The following GPX2 variants were observed in gnomAD, a reference collection of about 807,000 sequenced individuals.
The protein encoded by GPX2 is glutathione peroxidase 2.
GPX2 carries 21 observed loss-of-function variants against 14.1 expected under a neutral mutation model. The observed-to-expected ratio is 1.48, with a 90% CI of 1.05 to 2.14. GPX2 has a LOEUF of 2.14. Among genes scored for constraint, GPX2 ranks in the 30% most tolerant of loss-of-function variants. The pLI is 0.00. For missense variants in GPX2, 241 were observed against 249.8 expected, an observed-to-expected ratio of 0.96 and a Z score of 0.24; for synonymous variants, 94 against 95.2, an observed-to-expected ratio of 0.99 and a Z score of 0.07.
At chr14:64,941,612 T>C in intron 1 of GPX2, 1 of 1,119,804 alleles carries the variant, frequency 8.9e-7, no homozygotes, top group Non-Finnish European at 1.2e-6. Context: ...CCAGTGATGC[T>C]TCAGCCTTCC....
At chr14:64,941,298 G>T (rs760237833) in intron 1 of GPX2, 1 of 1,064,158 alleles carries the variant, frequency 9.4e-7, no homozygotes, top group Non-Finnish European at 1.2e-6. Context: ...GAACTCCTGA[G>T]CTCAAGCAAT....
At position 64,940,094 on chromosome 14, in the gene GPX2, T is replaced by G; in HGVS notation, c.223-256A>C. On this transcript the variant is annotated intron_variant, in intron 1 of 1. Coordinates refer to ENST00000389614, the MANE Select transcript of GPX2 (RefSeq NM_002083.4). This position sits in a 1 kb window ranked among gnomAD's most constrained non-coding sequence, Gnocchi z 4.5. ...ACCATGCCCGGCTAATTTTTTTTTTTTTTTGTAGAGATGGGGTCTCACTTT... is the reference window on the plus strand; with the variant it reads ...ACCATGCCCGGCTAATTTTTTTTTTGTTTTGTAGAGATGGGGTCTCACTTT... 2 of 1,427,930 alleles carry G rather than the reference T, an allele frequency of 1.4e-6. No individual in the cohort carries two copies. 88.5% of individuals were successfully genotyped at this position (1,427,930 alleles called of 1,614,324 possible).
chr14:64,942,577 G>C lies in GPX2; in HGVS notation c.150C>G (p.Leu50=). 2.5e-6 allele frequency: 4 copies of C among 1,614,224 alleles called. No individual in the cohort carries two copies. The highest frequency in any genetic ancestry group is 3.4e-6 in the Non-Finnish European group (4 of 1,180,044). The change falls in exon 1 of 2, where the codon CTC becomes CTG. Residue 50 remains leucine, a synonymous_variant. Coordinates refer to ENST00000389614, the MANE Select transcript of GPX2 (RefSeq NM_002083.4). ...UGTTTRDFTQ[L]NELQCRFPRR... ...TGGGAAAGCGGCATTGCAGCTCGTTGAGCTGGGTGAAGTCCCGGGTGGTTG... is the reference window on the plus strand; with the variant it reads ...TGGGAAAGCGGCATTGCAGCTCGTTCAGCTGGGTGAAGTCCCGGGTGGTTG...
In GPX2 at chr14:64,939,563, G is replaced by A. The variant is rs1180256776; in HGVS notation, c.498C>T (p.Phe166=). ...TTGGGAAGGTGCGGCTGTAGCGTCG[G>A]AAGGGCTCTCCCTCCGGCCCTATGA... The part of the protein sequence containing the change: ...KFLIGPEGEP[F]RRYSRTFPTI... Residue 166 remains phenylalanine (F), a synonymous_variant, in exon 2 of 2, where the codon TTC becomes TTT. Coordinates refer to ENST00000389614, the MANE Select transcript of GPX2 (RefSeq NM_002083.4). This position sits in a 1 kb window ranked among gnomAD's most constrained non-coding sequence, Gnocchi z 5.7. The A allele has an allele frequency of 6.2e-6, 10 of 1,614,166 alleles. No homozygotes were observed. Among genetic ancestry groups the A allele is most frequent in the Non-Finnish European group, 7.6e-6 (9 of 1,180,026 alleles).
rs956060743 is a variant in GPX2, at chr14:64,940,126, C to A, written c.223-288G>T. The A allele has an allele frequency of 1.4e-6, 2 of 1,391,988 alleles. No individual in the cohort carries two copies. The highest frequency in any genetic ancestry group is 1.9e-6 in the Non-Finnish European group (2 of 1,055,870). The allele number at this position is 1,391,988 out of a possible 1,614,324, so 86.2% of individuals were successfully genotyped here. On this transcript the variant is annotated intron_variant, in intron 1 of 1. Transcript: ENST00000389614. This position sits in a 1 kb window ranked among gnomAD's most constrained non-coding sequence, Gnocchi z 4.5. Reference sequence around the variant, plus strand: ...AGAGATGGGGTCTCACTTTGTTGCCCATGCTTTGGCTGCTCTTCAAGATTT... The same window carrying A: ...AGAGATGGGGTCTCACTTTGTTGCCAATGCTTTGGCTGCTCTTCAAGATTT...
Position 64,940,737 on chromosome 14 carries a change from C to A in GPX2, c.223-899G>T, listed in dbSNP as rs1259809121. Among the ~76,000 whole-genome samples the A allele has an allele frequency of 1.3e-5, 2 of 152,158 alleles. No individual in the cohort carries two copies. Among genetic ancestry groups the A allele is most frequent in the Non-Finnish European group, 2.9e-5 (2 of 68,016 alleles). ...GTGAGTATGTAATTATCATTCTTTT[C>A]TTGAGTAGGCTGCTACCCAAAGACT... On this transcript the variant is annotated intron_variant, in intron 1 of 1. Transcript: ENST00000389614. The surrounding 1 kb of genome is among the most constrained non-coding windows in gnomAD (Gnocchi z 4.5).
chr14:64,942,494 G>GGACC lies in GPX2; in HGVS notation c.222+7_222+10dup. The GGACC allele has an allele frequency of 4.3e-6, 7 of 1,610,244 alleles. No individual in the cohort carries two copies. The highest frequency in any genetic ancestry group is 4.2e-6 in the Non-Finnish European group (5 of 1,176,902). On this transcript the variant is annotated intron_variant, in intron 1 of 1. Coordinates refer to ENST00000389614, the MANE Select transcript of GPX2 (RefSeq NM_002083.4). ...AACACTTTTGGTGCATTACAAGGAG[G>GGACC]GACCCCTCACCTGATGTCCAAATTG...
intron 1 of GPX2, chr14:64,941,612 T>A: frequency 8.9e-7 from 1 of 1,119,804 alleles, no homozygotes; most frequent in Non-Finnish European, 1.2e-6. Context: ...CCAGTGATGC[T>A]TCAGCCTTCC....
At position 64,942,503 on chromosome 14, in the gene GPX2, A is replaced by G; in HGVS notation, c.222+2T>C. ...GGTGCATTACAAGGAGGGACCCCTC[A>G]CCTGATGTCCAAATTGGTTGCAAGG... is the stretch of plus-strand genomic sequence containing the variant. On this transcript the variant is annotated splice_donor_variant, in intron 1 of 1. Coordinates refer to ENST00000389614, the MANE Select transcript of GPX2 (RefSeq NM_002083.4). LOFTEE classifies it high-confidence loss of function. The G allele has an allele frequency of 6.2e-7, 1 of 1,613,382 alleles. No individual in the cohort carries two copies. The highest frequency in any genetic ancestry group is 8.5e-7 in the Non-Finnish European group (1 of 1,179,468).
intron 1 of GPX2, among the ~76,000 whole-genome samples, chr14:64,942,192 A>G (rs1193695118): frequency 6.6e-6 from 1 of 152,232 alleles, no homozygotes; most frequent in Non-Finnish European, 1.5e-5. Flanking sequence ...TTTATTCAAC[A>G]AATATTTAAT....
In GPX2 at chr14:64,940,429, C is replaced by T. The variant is rs1885569802; in HGVS notation, c.223-591G>A. Among the ~76,000 whole-genome samples the T allele has an allele frequency of 6.6e-6, 1 of 152,100 alleles. No individual in the cohort carries two copies. The highest frequency in any genetic ancestry group is 1.5e-5 in the Non-Finnish European group (1 of 68,034). ...CTTGAACTGAGGGTGAAATTGAGAC[C>T]CAGAGGAATGGGATTTACAGCTTCT... On this transcript the variant is annotated intron_variant, in intron 1 of 1. Transcript: ENST00000389614. This position sits in a 1 kb window ranked among gnomAD's most constrained non-coding sequence, Gnocchi z 4.5.
At position 64,939,748 on chromosome 14, in the gene GPX2, A is replaced by G. The variant is rs780424698; in HGVS notation, c.313T>C (p.Cys105Arg). 4.3e-6 allele frequency: 7 copies of G among 1,614,000 alleles called. No homozygotes were observed. Among genetic ancestry groups the G allele is most frequent in the African/African-American group, 1.3e-5 (1 of 74,954 alleles). Residue 105 changes from cysteine (C) to arginine (R), a missense_variant, in exon 2 of 2, where the codon TGT becomes CGT. Cys to Arg is a radical substitution (Grantham distance 180). Transcript: ENST00000389614. This position sits in a 1 kb window ranked among gnomAD's most constrained non-coding sequence, Gnocchi z 5.7. Reference protein sequence around the residue: ...YQPTFTLVQKCEVNGQNEHPV... With the variant: ...YQPTFTLVQKREVNGQNEHPV... ...TGCTCGTTCTGCCCATTCACCTCAC[A>G]TTTTTGGACAAGGGTGAAGGTGGGC... is the stretch of plus-strand genomic sequence containing the variant.
chr14:64,941,338 G>T, intron 1 of GPX2: 6 of 1,236,132 alleles, frequency 4.9e-6, no homozygotes, highest in Non-Finnish European at 6.2e-6. Context: ...AAAGCGCTGG[G>T]ATTATAGGTG....
rs755670449 is a variant in GPX2 at position 64,939,622 on chromosome 14, G to A, written c.439C>T (p.Arg147Cys). The A allele has an allele frequency of 5.5e-5, 88 of 1,614,032 alleles. No individual in the cohort carries two copies. The Admixed American group carries it at 8.2e-4, about 15-fold the overall frequency. Residue 147 changes from arginine to cysteine, a missense_variant, in exon 2 of 2, where the codon CGC (arginine) becomes TGC (cysteine). Transcript: ENST00000389614. The surrounding 1 kb of genome is among the most constrained non-coding windows in gnomAD (Gnocchi z 5.7). ...PKLIIWSPVR[R>C]SDVAWNFEKF... is the part of the protein sequence containing the mutation. ...TCAAAGTTCCAGGCCACATCTGAGCGGCGCACAGGGCTCCAAATGATGAGC... is the reference window on the plus strand; with the variant it reads ...TCAAAGTTCCAGGCCACATCTGAGCAGCGCACAGGGCTCCAAATGATGAGC...
chr14:64,942,741 T>G lies in GPX2; in HGVS notation c.-15A>C. 1.2e-6 allele frequency: 2 copies of G among 1,603,728 alleles called. No individual in the cohort carries two copies. Among genetic ancestry groups the G allele is most frequent in the East Asian group, 2.2e-5 (1 of 44,808 alleles). ...ATGAAAGCCATGGTGAAGCGCAGAG[T>G]GAGCCCCGCAGAGAGGCCTGAGCCC... On this transcript the variant is annotated 5_prime_UTR_variant, in exon 1 of 2. Transcript: ENST00000389614.
chr14:64,942,594 G>A lies in GPX2; in HGVS notation c.133C>T (p.Arg45Trp), dbSNP rs770359682. Residue 45 changes from arginine (R) to tryptophan (W), a missense_variant, in exon 1 of 2, where the codon CGG becomes TGG. Transcript: ENST00000389614. ...NVASLUGTTTRDFTQLNELQC... is the reference protein window; with the variant it reads ...NVASLUGTTTWDFTQLNELQC... ...AGCTCGTTGAGCTGGGTGAAGTCCC[G>A]GGTGGTTGTGCCTCAGAGCGAAGCC... 1.8e-5 allele frequency: 29 copies of A among 1,614,086 alleles called. No individual in the cohort carries two copies. The highest frequency in any genetic ancestry group is 4.0e-5 in the African/African-American group (3 of 74,932).
At chr14:64,942,239 G>A (rs1208197028) in intron 1 of GPX2, among the ~76,000 whole-genome samples, 1 of 152,164 alleles carries the variant, frequency 6.6e-6, no homozygotes. Flanking sequence ...AGGACACAGT[G>A]GAGAGAAACA....
Position 64,940,838 on chromosome 14 carries a change from C to T in GPX2, c.223-1000G>A, listed in dbSNP as rs1885593977. On this transcript the variant is annotated intron_variant, in intron 1 of 1. Coordinates refer to ENST00000389614, the MANE Select transcript of GPX2 (RefSeq NM_002083.4). This position sits in a 1 kb window ranked among gnomAD's most constrained non-coding sequence, Gnocchi z 4.5. The stretch of plus-strand genomic sequence containing the variant: ...AAACCTGGTCCCTGCCTTTCCCTCC[C>T]CACTGCCATCCCTGTCCTATTCCCT... Among the ~76,000 whole-genome samples the T allele has an allele frequency of 6.6e-6, 1 of 152,218 alleles. No individual in the cohort carries two copies. The highest frequency in any genetic ancestry group is 2.4e-5 in the African/African-American group (1 of 41,462).
chr14:64,942,280 A>G lies in GPX2; in HGVS notation c.222+225T>C, dbSNP rs185535240. ...CTGGAACCAGCCCTCATGGAGTAAT[A>G]TAGTAGAAAGACAGTAAACTATAAA... On this transcript the variant is annotated intron_variant, in intron 1 of 1. Coordinates refer to ENST00000389614, the MANE Select transcript of GPX2 (RefSeq NM_002083.4). Among the ~76,000 whole-genome samples the G allele has an allele frequency of 3.3e-5, 5 of 152,352 alleles. No individual in the cohort carries two copies. In the East Asian group the frequency reaches 7.7e-4, roughly 23 times the overall value.
Sources: allele counts gnomAD v4.1 joint callset (sites outside exome capture counted in the v4.1 genomes callset), GRCh38; gene constraint gnomAD v4.1.1; non-coding constraint Gnocchi (gnomAD v3.1); transcripts MANE v1.5; gene names NCBI Gene and HGNC (gene_info 2026-07-23, HGNC 2026-07-21).